The following ZNF423 variants were observed in gnomAD, a reference collection of about 807,000 sequenced individuals.
ZNF423 encodes the protein Ebf-associated zinc finger protein.
Under a neutral mutation model 95.8 loss-of-function variants are expected in ZNF423, and 12 were observed. The ratio of observed to expected loss-of-function variants is 0.13; its 90% CI spans 0.08 to 0.20. The LOEUF is 0.20. Among genes scored for constraint, ZNF423 ranks in the 10% least tolerant of loss-of-function variants. The probability of loss-of-function intolerance (pLI) is 1.00; values close to 1 mark genes in which losing one functional copy is unlikely to be tolerated. For missense variants in ZNF423, 1,316 were observed against 1,737.1 expected (o/e 0.76, Z 4.31); for synonymous variants, 749 against 711.9 (o/e 1.05, Z -0.83).
At position 49,855,202 on chromosome 16, in the gene ZNF423, C is replaced by T. The variant is rs141558037; in HGVS notation, c.40+533G>A. On this transcript the variant is annotated intron_variant, in intron 1 of 7. Coordinates refer to ENST00000563137, the MANE Select transcript of ZNF423 (RefSeq NM_001379286.1). The surrounding 1 kb of genome is among the most constrained non-coding windows in gnomAD (Gnocchi z 4.7). The stretch of plus-strand genomic sequence containing the variant: ...GCCCGGGGCGCTCGCCGACAGCGCC[C>T]GCCGCTCCCCGCGTCCTCGGGCGAC... Among the ~76,000 whole-genome samples, 25,877 of 149,920 alleles carry T rather than the reference C, an allele frequency of 0.17. 2,442 individuals are homozygous for T. The highest frequency in any genetic ancestry group is 0.24 in the African/African-American group (10,053 of 41,096).
intron 5 of ZNF423, among the ~76,000 whole-genome samples, chr16:49,625,459 A>C (rs1411352856): frequency 1.3e-5 from 2 of 152,208 alleles, no homozygotes; most frequent in Non-Finnish European, 2.9e-5. Flanking sequence ...GACCCAGGGT[A>C]CCAGGCTTCT....
At chr16:49,765,350 C>T (rs190831015) in intron 2 of ZNF423, among the ~76,000 whole-genome samples, 6 of 152,194 alleles carry the variant, frequency 3.9e-5, no homozygotes, top group Admixed American at 3.3e-4. Flanking sequence ...TGTACTGTAA[C>T]GCCACTGAAC....
intron 5 of ZNF423, among the ~76,000 whole-genome samples, chr16:49,528,180 G>A (rs1189988259): frequency 6.6e-6 from 1 of 152,094 alleles, no homozygotes; most frequent in Non-Finnish European, 1.5e-5. Context: ...GGGCCCATCT[G>A]ATACACAAAC....
chr16:49,732,672 C>A (rs549602802), intron 2 of ZNF423, among the ~76,000 whole-genome samples: 1 of 152,192 alleles, frequency 6.6e-6, no homozygotes, highest in Non-Finnish European at 1.5e-5. Flanking sequence ...AAGACAGACA[C>A]GAAGCAAAGA....
At chr16:49,703,869 T>TGTGCCCAGCCCA (rs563704300) in intron 3 of ZNF423, among the ~76,000 whole-genome samples, 1 of 152,198 alleles carries the variant, frequency 6.6e-6, no homozygotes, top group Non-Finnish European at 1.5e-5. Context: ...ATCACCAGCT[T>TGTGCCCAGCCCA]GTGCCCAGCC....
At chr16:49,556,417 T>C (rs572076388) in intron 5 of ZNF423, among the ~76,000 whole-genome samples, 1 of 152,340 alleles carries the variant, frequency 6.6e-6, no homozygotes, top group Admixed American at 6.5e-5. Flanking sequence ...GTCTCTCACA[T>C]TGATTTGCTA....
At chr16:49,499,152 C>A (rs926186565) in intron 7 of ZNF423, among the ~76,000 whole-genome samples, 1 of 152,230 alleles carries the variant, frequency 6.6e-6, no homozygotes, top group Non-Finnish European at 1.5e-5. Context: ...GGGTGTGACA[C>A]CCAACCCTGG....
At chr16:49,680,139 G>A (rs570966627) in intron 3 of ZNF423, among the ~76,000 whole-genome samples, 1 of 152,262 alleles carries the variant, frequency 6.6e-6, no homozygotes, top group East Asian at 1.9e-4. Context: ...GGGACAACCT[G>A]CCTGAGGCAA....
At chr16:49,740,888 C>A (rs1340022492) in intron 2 of ZNF423, among the ~76,000 whole-genome samples, 2 of 152,240 alleles carry the variant, frequency 1.3e-5, no homozygotes, top group Non-Finnish European at 2.9e-5. Flanking sequence ...TGATGGCAAT[C>A]GCCTCCTTCA....
intron 3 of ZNF423, among the ~76,000 whole-genome samples, chr16:49,655,630 C>T (rs889314242): frequency 1.3e-5 from 2 of 152,170 alleles, no homozygotes; most frequent in Non-Finnish European, 2.9e-5. Context: ...ATGGGCGCAC[C>T]ACCTTTCAGT....
At chr16:49,692,600 G>A (rs1363998386) in intron 3 of ZNF423, among the ~76,000 whole-genome samples, 2 of 152,204 alleles carry the variant, frequency 1.3e-5, no homozygotes, top group South Asian at 4.1e-4. Context: ...TTGCTAGGAG[G>A]CACAGAAGCC....
intron 7 of ZNF423, among the ~76,000 whole-genome samples, chr16:49,522,564 C>T (rs75461591): frequency 0.016 from 2,466 of 152,196 alleles, 38 homozygotes; most frequent in Non-Finnish European, 0.024. Flanking sequence ...CTAACCTACC[C>T]ATATCCTTCC....
chr16:49,714,626 A>G (rs975340452), intron 3 of ZNF423, among the ~76,000 whole-genome samples: 3 of 48,582 alleles, frequency 6.2e-5, no homozygotes, highest in South Asian at 7.5e-4. Context: ...AGCCTGGGAG[A>G]AAAAAAAAAA....
chr16:49,854,993 C>T (rs1349598187), intron 1 of ZNF423: 1 of 984,934 alleles, frequency 1.0e-6, no homozygotes, highest in Non-Finnish European at 1.2e-6. Flanking sequence ...GGGCGCGCAC[C>T]GCGGCCGCTG....
chr16:49,755,813 T>C (rs1269489821), intron 2 of ZNF423, among the ~76,000 whole-genome samples: 1 of 152,162 alleles, frequency 6.6e-6, no homozygotes, highest in African/African-American at 2.4e-5. Flanking sequence ...CTGATGGTAA[T>C]AAAATGCCCA....
In ZNF423 at chr16:49,637,519, T is replaced by C; in HGVS notation, c.1657A>G (p.Ser553Gly). 1 of 1,614,052 alleles carries C rather than the reference T, an allele frequency of 6.2e-7. No homozygotes were observed. Among genetic ancestry groups the C allele is most frequent in the Non-Finnish European group, 8.5e-7 (1 of 1,180,022 alleles). ...HIQQAHCSVG[S>G]AKLESPVVQP... Reference sequence around the variant, plus strand: ...ACCACCGGAGACTCTAGTTTGGCACTGCCCACACTGCAGTGGGCCTGCTGG... The same window carrying C: ...ACCACCGGAGACTCTAGTTTGGCACCGCCCACACTGCAGTGGGCCTGCTGG... The change falls in exon 4 of 8, where the codon AGT becomes GGT. Residue 553 changes from serine to glycine, a missense_variant. Ser to Gly is a moderately conservative substitution (Grantham distance 56). Coordinates refer to ENST00000563137, the MANE Select transcript of ZNF423 (RefSeq NM_001379286.1). The surrounding 1 kb of genome is among the most constrained non-coding windows in gnomAD (Gnocchi z 5.6).
At chr16:49,569,166 T>C (rs1018851383) in intron 5 of ZNF423, among the ~76,000 whole-genome samples, 1 of 152,188 alleles carries the variant, frequency 6.6e-6, no homozygotes, top group African/African-American at 2.4e-5. Flanking sequence ...GGCCGCTATC[T>C]TTTCCCTCCT....
chr16:49,580,874 G>A (rs981078159), intron 5 of ZNF423, among the ~76,000 whole-genome samples: 1 of 152,144 alleles, frequency 6.6e-6, no homozygotes, highest in Non-Finnish European at 1.5e-5. Context: ...GCATAGAAAC[G>A]TGGACTGTGA....
chr16:49,737,931 C>A (rs772190069), intron 2 of ZNF423, among the ~76,000 whole-genome samples: 1 of 152,220 alleles, frequency 6.6e-6, no homozygotes, highest in Non-Finnish European at 1.5e-5. Context: ...ACACTGAAAA[C>A]CTCCCAGCCA....
Sources: allele counts gnomAD v4.1 joint callset (sites outside exome capture counted in the v4.1 genomes callset), GRCh38; gene constraint gnomAD v4.1.1; non-coding constraint Gnocchi (gnomAD v3.1); transcripts MANE v1.5; gene names NCBI Gene and HGNC (gene_info 2026-07-23, HGNC 2026-07-21).